Variants in B3GALNT2 observed in about 807,000 individuals in gnomAD.
The protein encoded by B3GALNT2 is UDP-GalNAc:beta-1,3-N-acetylgalactosaminyltransferase 2.
Under a neutral mutation model 61.1 loss-of-function variants are expected in B3GALNT2, and 53 were observed. That is an observed-to-expected ratio of 0.87 (90% CI 0.70 to 1.09). The LOEUF (loss-of-function observed/expected upper bound fraction) is 1.09. B3GALNT2 is among the 50% of genes least tolerant of loss of function. B3GALNT2 has a pLI of 0.00. For missense variants in B3GALNT2, 544 were observed against 623.0 expected (o/e 0.87, Z 1.35); for synonymous variants, 223 against 237.4 (o/e 0.94, Z 0.56).
rs1246306833 is a variant in B3GALNT2 at position 235,471,985 on chromosome 1, AG to A, written c.652-1026del. Among the ~76,000 whole-genome samples, 7 of 151,644 alleles carry A rather than the reference AG, an allele frequency of 4.6e-5. No individual in the cohort carries two copies. In the South Asian group the frequency reaches 6.3e-4, roughly 14 times the overall value. ...GCCTGAATTTAAAAAAAAAAAAAAA[AG>A]ATTGGCTTAGTTGGATTTCTGATTC... On this transcript the variant is annotated intron_variant, in intron 5 of 11. Coordinates refer to ENST00000366600, the MANE Select transcript of B3GALNT2 (RefSeq NM_152490.5).
At chr1:235,485,311 T>A (rs1684751125) in intron 3 of B3GALNT2, among the ~76,000 whole-genome samples, 1 of 152,168 alleles carries the variant, frequency 6.6e-6, no homozygotes, top group South Asian at 2.1e-4. Context: ...ACAGTTCAAA[T>A]AATTTTTCTT....
At chr1:235,487,000 C>G (rs1684838465) in intron 3 of B3GALNT2, among the ~76,000 whole-genome samples, 1 of 151,984 alleles carries the variant, frequency 6.6e-6, no homozygotes, top group Non-Finnish European at 1.5e-5. Context: ...GAAACCCCAT[C>G]TCTACTAAAA....
chr1:235,480,603 G>A (rs926833455), intron 4 of B3GALNT2, among the ~76,000 whole-genome samples: 4 of 151,820 alleles, frequency 2.6e-5, no homozygotes, highest in Admixed American at 1.3e-4. Flanking sequence ...AACAAAAAAG[G>A]GAATATAAAA....
At chr1:235,457,691 C>T (rs750548415) in intron 8 of B3GALNT2, among the ~76,000 whole-genome samples, 7 of 151,944 alleles carry the variant, frequency 4.6e-5, no homozygotes, top group East Asian at 3.9e-4. Context: ...AGTTTTTAAA[C>T]GGATGGAGTA....
intron 2 of B3GALNT2, among the ~76,000 whole-genome samples, chr1:235,493,362 T>C (rs758260035): frequency 2.6e-5 from 4 of 152,196 alleles, no homozygotes; most frequent in Non-Finnish European, 5.9e-5. Context: ...ATAGTAGTGA[T>C]GATTCTGAGG....
intron 4 of B3GALNT2, among the ~76,000 whole-genome samples, chr1:235,481,805 T>C (rs1278642482): frequency 6.6e-6 from 1 of 152,226 alleles, no homozygotes; most frequent in Non-Finnish European, 1.5e-5. Context: ...CAATCATATA[T>C]GGACTCCTAT....
At chr1:235,487,966 T>C (rs547162389) in intron 3 of B3GALNT2, among the ~76,000 whole-genome samples, 76 of 152,214 alleles carry the variant, frequency 5.0e-4, no homozygotes, top group African/African-American at 1.7e-3. Context: ...TGTTTTTTTT[T>C]TCAGACATGG....
At chr1:235,466,575 G>A (rs1251524841) in intron 6 of B3GALNT2, among the ~76,000 whole-genome samples, 2 of 152,046 alleles carry the variant, frequency 1.3e-5, no homozygotes, top group Non-Finnish European at 2.9e-5. Context: ...GGCTGGTCTT[G>A]AACTCCTGGG....
chr1:235,458,729 A>C lies in B3GALNT2; in HGVS notation c.899T>G (p.Ile300Arg). 1 of 1,612,676 alleles carries C rather than the reference A, an allele frequency of 6.2e-7. No individual in the cohort carries two copies. The highest frequency in any genetic ancestry group is 1.1e-5 in the South Asian group (1 of 90,556). ...HSRPQRLIDH[I>R]RNLHEEDALL... ...GGCATCTTCCTCATGGAGATTCCTT[A>C]TATGATCAATAAGTCTTTGAGGGCG... is the stretch of plus-strand genomic sequence containing the variant. The change falls in exon 8 of 12, where the codon ATA (isoleucine) becomes AGA (arginine). Residue 300 changes from isoleucine to arginine, a missense_variant. Physicochemically the swap from Ile to Arg is moderately conservative, Grantham distance 97 (BLOSUM62 -3). Coordinates refer to ENST00000366600, the MANE Select transcript of B3GALNT2 (RefSeq NM_152490.5).
In B3GALNT2 at chr1:235,465,635, C is replaced by A. The variant is rs767267288; in HGVS notation, c.841+1G>T. On this transcript the variant is annotated splice_donor_variant, in intron 7 of 11. Transcript: ENST00000366600. LOFTEE classifies it high-confidence loss of function. ...TTTCAAGTTTCAACTAGCAAACTTA[C>A]CCTGAATAGTATATATAAAACCACC... 4 of 1,613,798 alleles carry A rather than the reference C, an allele frequency of 2.5e-6. No individual in the cohort carries two copies. In the Admixed American group the frequency reaches 5.0e-5, roughly 20 times the overall value.
chr1:235,465,829 G>A (rs1260371298), intron 6 of B3GALNT2, 115 bp from the exon 7 acceptor site: 2 of 1,211,254 alleles, frequency 1.7e-6, no homozygotes, highest in South Asian at 1.4e-5. Context: ...ATAAATGCAT[G>A]TAAGATGCTG....
At chr1:235,440,646 A>G in the B3GALNT2 span, among the ~76,000 whole-genome samples, 97 of 149,528 alleles carry the variant, frequency 6.5e-4, 1 homozygote, top group African/African-American at 2.0e-3. Flanking sequence ...CGCCCGCCTC[A>G]GCCTCCCAAA....
intron 4 of B3GALNT2, 131 bp downstream of exon 4, chr1:235,484,191 G>A (rs1684688349): frequency 1.5e-6 from 2 of 1,350,730 alleles, no homozygotes; most frequent in Non-Finnish European, 1.9e-6. Context: ...GTCAATAGGG[G>A]AAGAAAGGTG....
chr1:235,476,941 T>C (rs1003129484), intron 5 of B3GALNT2, among the ~76,000 whole-genome samples: 16 of 151,698 alleles, frequency 1.1e-4, no homozygotes, highest in Non-Finnish European at 2.1e-4. Flanking sequence ...AGGAGAATCA[T>C]TTGAGCCCAT....
At chr1:235,465,791 A>C in intron 6 of B3GALNT2, 77 bp from the exon 7 acceptor site, 3 of 1,543,852 alleles carry the variant, frequency 1.9e-6, no homozygotes, top group Non-Finnish European at 2.7e-6. Context: ...ATTTGACAAA[A>C]ATCATAATAT....
chr1:235,455,680 C>A lies in B3GALNT2; in HGVS notation c.1030G>T (p.Val344Leu). Residue 344 changes from valine (V) to leucine (L), a missense_variant, in exon 9 of 12, where the codon GTG becomes TTG. Transcript: ENST00000366600. ...AKLLNFYRWT[V>L]ETTSFNLLLK... ...AACAAATTGAAGCTCGTTGTTTCCA[C>A]AGTCCTGTTGACACAAAAGGGATAA... 6.2e-7 allele frequency: 1 copy of A among 1,609,190 alleles called. No individual in the cohort carries two copies. The highest frequency in any genetic ancestry group is 8.5e-7 in the Non-Finnish European group (1 of 1,175,520).
At chr1:235,441,500 T>C in the B3GALNT2 span, 7 of 347,478 alleles carry the variant, frequency 2.0e-5, no homozygotes, top group Non-Finnish European at 3.7e-5. Flanking sequence ...TCAGGACACC[T>C]AAGGAACAAT....
In B3GALNT2 at chr1:235,489,232, A is replaced by G. The variant is rs1351187380; in HGVS notation, c.297T>C (p.Cys99=). Residue 99 remains cysteine (C), a synonymous_variant, in exon 3 of 12, where the codon TGT becomes TGC. Transcript: ENST00000366600. ...CCTCCCTGTCTTCCACAGGCACTTC[A>G]CAGCCATGAGCACCTATTATGAACT... The part of the protein sequence containing the change: ...LVKFIIGAHG[C]EVPVEDREDP... The G allele has an allele frequency of 6.2e-7, 1 of 1,614,072 alleles. No individual in the cohort carries two copies. Among genetic ancestry groups the G allele is most frequent in the East Asian group, 2.2e-5 (1 of 44,886 alleles).
intron 1 of B3GALNT2, among the ~76,000 whole-genome samples, chr1:235,501,392 T>C (rs1047025899): frequency 2.6e-4 from 40 of 152,240 alleles, no homozygotes; most frequent in Admixed American, 2.3e-3. Context: ...TGCTCAACTG[T>C]TACCTCTTCA....
Sources: allele counts gnomAD v4.1 joint callset (sites outside exome capture counted in the v4.1 genomes callset), GRCh38; gene constraint gnomAD v4.1.1; transcripts MANE v1.5; gene names NCBI Gene and HGNC (gene_info 2026-07-23, HGNC 2026-07-21).